Variants in SLC44A1 observed in about 807,000 individuals in gnomAD.
SLC44A1 encodes the protein solute carrier family 44 member 1.
A neutral mutation model predicts 79.3 loss-of-function variants in SLC44A1; 26 were observed. The observed-to-expected ratio is 0.33, with a 90% CI of 0.24 to 0.46. SLC44A1 has a LOEUF of 0.46. Among genes scored for constraint, SLC44A1 ranks in the 20% least tolerant of loss-of-function variants. The pLI, the probability that SLC44A1 is intolerant of heterozygous loss-of-function variation, is 1.00. For missense variants in SLC44A1, 688 were observed against 798.1 expected (o/e 0.86, Z 1.66); for synonymous variants, 263 against 286.2 (o/e 0.92, Z 0.82).
downstream of SLC44A1, among the ~76,000 whole-genome samples, chr9:105,398,122 G>A (rs1197469199): frequency 6.6e-6 from 1 of 152,156 alleles, no homozygotes; most frequent in African/African-American, 2.4e-5. Flanking sequence ...GGCAGTAGCT[G>A]TGCCCCATTT....
In SLC44A1 at chr9:105,393,883, T is replaced by G. The variant is rs1006402937; in HGVS notation, c.*4827T>G. The G allele has an allele frequency of 6.1e-6, 6 of 984,998 alleles. No individual in the cohort carries two copies. The African/African-American group carries it at 1.0e-4, about 17-fold the overall frequency. 61.0% of individuals were successfully genotyped at this position (984,998 alleles called of 1,614,324 possible). On this transcript the variant is annotated 3_prime_UTR_variant, in exon 16 of 16. Transcript: ENST00000374720. Reference sequence around the variant, plus strand: ...CTCAGAATAATAAAGCTTTTATTAATGGTCTAGTGAAGATCTAGTTGAACA... The same window carrying G: ...CTCAGAATAATAAAGCTTTTATTAAGGGTCTAGTGAAGATCTAGTTGAACA...
chr9:105,293,110 T>C (rs189152980), intron 1 of SLC44A1, among the ~76,000 whole-genome samples: 9 of 152,304 alleles, frequency 5.9e-5, no homozygotes, highest in Non-Finnish European at 4.4e-5. Context: ...TGAACCATGA[T>C]TGTGCCACTG....
chr9:105,403,636 T>C (rs1828987359), intron 15 of SLC44A1, among the ~76,000 whole-genome samples: 1 of 147,252 alleles, frequency 6.8e-6, no homozygotes, highest in East Asian at 2.0e-4. Context: ...AAGCAGATGA[T>C]TGTAATCTAG....
chr9:105,319,857 T>A (rs1826329638), intron 3 of SLC44A1, among the ~76,000 whole-genome samples: 2 of 152,232 alleles, frequency 1.3e-5, no homozygotes, highest in Admixed American at 1.3e-4. Flanking sequence ...TAAAAATATT[T>A]CATTGTTATA....
At position 105,396,896 on chromosome 9, in the gene SLC44A1, C is replaced by G. The variant is rs1828887716; in HGVS notation, c.*7840C>G. 1 of 983,850 alleles carries G rather than the reference C, an allele frequency of 1.0e-6. No homozygotes were observed. The highest frequency in any genetic ancestry group is 6.2e-5 in the Admixed American group (1 of 16,258). The allele number at this position is 983,850 out of a possible 1,614,324, so 60.9% of individuals were successfully genotyped here. ...GGATTTTTTTCTTATTACAGTGTCA[C>G]TACACTGTATTCATGTGGGGGAACA... is the stretch of plus-strand genomic sequence containing the variant. On this transcript the variant is annotated 3_prime_UTR_variant, in exon 16 of 16. Transcript: ENST00000374720.
At position 105,395,983 on chromosome 9, in the gene SLC44A1, A is replaced by G; in HGVS notation, c.*6927A>G. On this transcript the variant is annotated 3_prime_UTR_variant, in exon 16 of 16. Coordinates refer to ENST00000374720, the MANE Select transcript of SLC44A1 (RefSeq NM_080546.5). ...TAGCTTTGGGGGCTGGTGATTTGAA[A>G]CAGGGACTATTAAGTAGATTTTCCC... The G allele has an allele frequency of 3.0e-6, 3 of 985,136 alleles. No homozygotes were observed. Among genetic ancestry groups the G allele is most frequent in the Non-Finnish European group, 3.6e-6 (3 of 829,816 alleles). 61.0% of individuals were successfully genotyped at this position (985,136 alleles called of 1,614,324 possible). A position where few individuals can be genotyped will look rare whatever the true frequency, so the allele number is the denominator to read the frequency against.
intron 15 of SLC44A1, among the ~76,000 whole-genome samples, chr9:105,424,948 C>CA (rs200345209): frequency 0.052 from 5,006 of 95,978 alleles, 179 homozygotes; most frequent in African/African-American, 0.1. Flanking sequence ...GACTCCATCT[C>CA]AAAAAAAAAA....
chr9:105,429,224 G>A (rs1231173095), intron 15 of SLC44A1, among the ~76,000 whole-genome samples: 1 of 152,212 alleles, frequency 6.6e-6, no homozygotes, highest in East Asian at 1.9e-4. Context: ...AGAACTGAAA[G>A]GATATAAAAC....
At chr9:105,283,420 C>T (rs973454595) in intron 1 of SLC44A1, among the ~76,000 whole-genome samples, 1 of 152,206 alleles carries the variant, frequency 6.6e-6, no homozygotes, top group Admixed American at 6.5e-5. Flanking sequence ...AAGAGGCGCT[C>T]TGCTAAGTGT....
intron 1 of SLC44A1, among the ~76,000 whole-genome samples, chr9:105,268,505 ATCT>A (rs569056319): frequency 1.4e-3 from 206 of 151,686 alleles, no homozygotes; most frequent in African/African-American, 3.1e-3. Flanking sequence ...TATTTTAACG[ATCT>A]TCTTTTTTTT....
At chr9:105,435,675 T>C (rs1281137177) in intron 15 of SLC44A1, among the ~76,000 whole-genome samples, 1 of 152,182 alleles carries the variant, frequency 6.6e-6, no homozygotes. Flanking sequence ...GAGGCCTGTA[T>C]GTGTGGGTCA....
chr9:105,281,189 G>A (rs1830341865), intron 1 of SLC44A1, among the ~76,000 whole-genome samples: 1 of 152,240 alleles, frequency 6.6e-6, no homozygotes, highest in Admixed American at 6.5e-5. Flanking sequence ...TACCCTGGGA[G>A]CAGCCTCTTT....
intron 1 of SLC44A1, among the ~76,000 whole-genome samples, chr9:105,283,092 C>T (rs1312060669): frequency 1.3e-5 from 2 of 152,076 alleles, no homozygotes; most frequent in African/African-American, 2.4e-5. Flanking sequence ...GGACTTTGGA[C>T]CCAAATTGTA....
intron 15 of SLC44A1, among the ~76,000 whole-genome samples, chr9:105,422,319 T>G (rs1200802741): frequency 7.0e-6 from 1 of 141,954 alleles, no homozygotes; most frequent in Non-Finnish European, 1.5e-5. Context: ...AGACAGAGTC[T>G]TACTCTGTAG....
chr9:105,366,047 C>T (rs1827931271), intron 11 of SLC44A1, among the ~76,000 whole-genome samples: 1 of 152,144 alleles, frequency 6.6e-6, no homozygotes, highest in South Asian at 2.1e-4. Flanking sequence ...AGTATCTATA[C>T]TATATTCTGA....
At chr9:105,281,116 C>T (rs890034974) in intron 1 of SLC44A1, among the ~76,000 whole-genome samples, 5 of 152,152 alleles carry the variant, frequency 3.3e-5, no homozygotes, top group African/African-American at 1.2e-4. Context: ...ATGGAGAGCA[C>T]CTTGAGGGAG....
chr9:105,353,027 A>T (rs1376277151), intron 5 of SLC44A1, among the ~76,000 whole-genome samples: 1 of 152,098 alleles, frequency 6.6e-6, no homozygotes, highest in Non-Finnish European at 1.5e-5. Flanking sequence ...ATTTTTGAAT[A>T]ATGTGCCTAT....
At chr9:105,283,793 C>T (rs1024880278) in intron 1 of SLC44A1, among the ~76,000 whole-genome samples, 2 of 152,176 alleles carry the variant, frequency 1.3e-5, no homozygotes, top group Non-Finnish European at 2.9e-5. Flanking sequence ...ATATATTCTT[C>T]CCAAGTGTCT....
At position 105,244,687 on chromosome 9, in the gene SLC44A1, G is replaced by A; in HGVS notation, c.-182G>A. On this transcript the variant is annotated 5_prime_UTR_variant, in exon 1 of 16. An upstream open reading frame in the 5' UTR gains an earlier in-frame stop. Transcript: ENST00000374720. The stretch of plus-strand genomic sequence containing the variant: ...CGCCGTCGCCGCCGCCGGGGGATGT[G>A]GCCGGCGCCTGCCTCTAGCCGCGCC... 1 of 294,688 alleles carries A rather than the reference G, an allele frequency of 3.4e-6. No individual in the cohort carries two copies. Among genetic ancestry groups the A allele is most frequent in the Non-Finnish European group, 6.2e-6 (1 of 161,484 alleles). 18.3% of individuals were successfully genotyped at this position (294,688 alleles called of 1,614,324 possible).
Sources: gnomAD v4.1 joint callset for allele counts (sites outside exome capture counted in the v4.1 genomes callset) on GRCh38, gnomAD v4.1.1 for gene constraint, MANE v1.5 for transcripts, NCBI Gene and HGNC (gene_info 2026-07-23, HGNC 2026-07-21) for gene names.